The following MAST2 variants were observed in gnomAD, a reference collection of about 807,000 sequenced individuals.
MAST2 encodes the protein microtubule associated serine/threonine kinase 2.
In MAST2, 70 loss-of-function variants were observed where a neutral mutation model predicts 147.4. The observed-to-expected ratio is 0.47, with a 90% confidence interval of 0.39 to 0.58. The LOEUF is 0.58. Ranked by LOEUF, MAST2 falls within the 20% of genes least tolerant of loss-of-function variation. The pLI is 0.00. For synonymous variants in MAST2, 869 were observed against 896.8 expected (o/e 0.97, Z 0.55); for missense variants, 2,080 against 2,302.3 (o/e 0.90, Z 1.98).
At chr1:45,890,917 A>G (rs1647660172) in intron 4 of MAST2, among the ~76,000 whole-genome samples, 1 of 152,242 alleles carries the variant, frequency 6.6e-6, no homozygotes. Context: ...CTACCTCTAG[A>G]AATATAGTTG....
intron 3 of MAST2, among the ~76,000 whole-genome samples, chr1:45,844,770 A>G (rs572697429): frequency 2.0e-5 from 3 of 152,122 alleles, no homozygotes; most frequent in African/African-American, 7.2e-5. Context: ...TTTTTTAGAT[A>G]AATTTGTTGG....
rs200372011 is a variant in MAST2 at position 45,855,623 on chromosome 1, ATGT to A, written c.468+26046_468+26048del. Among the ~76,000 whole-genome samples the A allele has an allele frequency of 2.9e-3, 439 of 152,070 alleles. 2 individuals are homozygous for A. Among genetic ancestry groups the A allele is most frequent in the East Asian group, 0.02 (102 of 5,178 alleles). ...ACTTTTTTTTTTGCAACTTTAAATG[ATGT>A]TGTATTTTAAATTTTAGTTTTTACA... On this transcript the variant is annotated intron_variant, in intron 3 of 28. Coordinates refer to ENST00000361297, the MANE Select transcript of MAST2 (RefSeq NM_015112.3).
intron 3 of MAST2, among the ~76,000 whole-genome samples, chr1:45,830,363 T>C (rs560732875): frequency 1.1e-4 from 17 of 151,870 alleles, no homozygotes; most frequent in African/African-American, 3.6e-4. Flanking sequence ...TTAGTAGAGA[T>C]GGGGTTTCAC....
chr1:46,026,067 C>G (rs1646396943), intron 16 of MAST2, among the ~76,000 whole-genome samples: 1 of 152,120 alleles, frequency 6.6e-6, no homozygotes, highest in African/African-American at 2.4e-5. Flanking sequence ...CTGAAGAAAC[C>G]AAGCAAGAAC....
chr1:45,934,934 G>C (rs758333500), intron 4 of MAST2, among the ~76,000 whole-genome samples: 1 of 152,212 alleles, frequency 6.6e-6, no homozygotes, highest in Non-Finnish European at 1.5e-5. Context: ...GGGTTGCTGG[G>C]TTGAAAGGTA....
At chr1:45,894,678 G>A (rs963607340) in intron 4 of MAST2, among the ~76,000 whole-genome samples, 1 of 152,074 alleles carries the variant, frequency 6.6e-6, no homozygotes, top group African/African-American at 2.4e-5. Context: ...TTCAGACTCA[G>A]GTATTATAAA....
chr1:46,013,988 C>T (rs528977164), intron 10 of MAST2, among the ~76,000 whole-genome samples: 69 of 151,334 alleles, frequency 4.6e-4, no homozygotes, highest in African/African-American at 1.5e-3. Flanking sequence ...GTTTTTTTTC[C>T]GAAGAAAAAT....
intron 5 of MAST2, among the ~76,000 whole-genome samples, chr1:45,979,180 G>T (rs969936922): frequency 2.6e-5 from 4 of 152,142 alleles, no homozygotes; most frequent in African/African-American, 9.7e-5. Context: ...TTGGAAGATG[G>T]CATTGTTAAA....
chr1:45,960,026 C>G (rs1231992220), intron 5 of MAST2, among the ~76,000 whole-genome samples: 1 of 152,144 alleles, frequency 6.6e-6, no homozygotes, highest in Non-Finnish European at 1.5e-5. Context: ...CCACCTCATC[C>G]TCCAAAGTAC....
At chr1:45,850,833 A>G (rs1393932591) in intron 3 of MAST2, among the ~76,000 whole-genome samples, 1 of 121,498 alleles carries the variant, frequency 8.2e-6, no homozygotes, top group Non-Finnish European at 1.7e-5. Context: ...TACCAGTACT[A>G]TGCTTTTTTT....
chr1:45,870,548 T>C (rs1038960593), intron 3 of MAST2, among the ~76,000 whole-genome samples: 2 of 151,040 alleles, frequency 1.3e-5, no homozygotes, highest in Non-Finnish European at 3.0e-5. Flanking sequence ...TTTGTTCTTT[T>C]AAACCTTTGC....
chr1:45,823,337 CTT>C (rs58220954), intron 1 of MAST2, among the ~76,000 whole-genome samples: 103,465 of 133,488 alleles, frequency 0.78, 39,969 homozygotes, highest in East Asian at 0.95. Flanking sequence ...CAGTTATTCT[CTT>C]TTTTTTTTTT....
At chr1:45,982,506 C>T (rs1039786581) in intron 5 of MAST2, among the ~76,000 whole-genome samples, 4 of 152,182 alleles carry the variant, frequency 2.6e-5, no homozygotes, top group Non-Finnish European at 4.4e-5. Context: ...AAACTCTGGA[C>T]AACCTTAAGC....
At chr1:45,915,887 G>C (rs905745707) in intron 4 of MAST2, among the ~76,000 whole-genome samples, 2 of 152,030 alleles carry the variant, frequency 1.3e-5, no homozygotes, top group Non-Finnish European at 2.9e-5. Context: ...GTTCTAATTA[G>C]TTCTAACATA....
chr1:45,944,118 T>C (rs1283368820), intron 4 of MAST2, among the ~76,000 whole-genome samples: 1 of 152,232 alleles, frequency 6.6e-6, no homozygotes, highest in Non-Finnish European at 1.5e-5. Flanking sequence ...AACATGCCAC[T>C]ATAGCTTGGA....
chr1:45,894,216 A>G (rs1648340137), intron 4 of MAST2, among the ~76,000 whole-genome samples: 1 of 140,382 alleles, frequency 7.1e-6, no homozygotes, highest in Non-Finnish European at 1.5e-5. Flanking sequence ...CCTGTCTCAA[A>G]TTAAAAAAAA....
At chr1:46,007,217 A>T (rs941034959) in intron 8 of MAST2, among the ~76,000 whole-genome samples, 2 of 152,192 alleles carry the variant, frequency 1.3e-5, no homozygotes, top group African/African-American at 4.8e-5. Flanking sequence ...TAAGATGTGC[A>T]GGGTAGGATC....
intron 10 of MAST2, among the ~76,000 whole-genome samples, chr1:46,011,436 C>T (rs1053456876): frequency 2.6e-5 from 4 of 152,134 alleles, no homozygotes; most frequent in Non-Finnish European, 5.9e-5. Context: ...ACCTGGTCCT[C>T]GCTGGTGTGA....
Position 46,002,788 on chromosome 1 carries a change from C to T in MAST2, c.669-17C>T, listed in dbSNP as rs753664157. ...GTAGTCCTGCAGAAACTGCCTAATA[C>T]TTTTTCTTGCATACAGGACTGATGG... is the stretch of plus-strand genomic sequence containing the variant. On this transcript the variant is annotated splice_polypyrimidine_tract_variant and intron_variant, in intron 6 of 28. Coordinates refer to ENST00000361297, the MANE Select transcript of MAST2 (RefSeq NM_015112.3). 9.3e-6 allele frequency: 15 copies of T among 1,613,480 alleles called. No individual in the cohort carries two copies. Among genetic ancestry groups the T allele is most frequent in the Admixed American group, 5.0e-5 (3 of 60,004 alleles).
Sources: allele counts gnomAD v4.1 joint callset (sites outside exome capture counted in the v4.1 genomes callset), GRCh38; gene constraint gnomAD v4.1.1; transcripts MANE v1.5; gene names NCBI Gene and HGNC (gene_info 2026-07-23, HGNC 2026-07-21).